CAPZA1: variants seen among roughly 807,000 people sequenced by gnomAD.
CAPZA1 encodes capping actin protein of muscle Z-line subunit alpha 1.
In CAPZA1, 10 loss-of-function variants were observed where a neutral mutation model predicts 40.8. The ratio of observed to expected loss-of-function variants is 0.25; its 90% confidence interval spans 0.15 to 0.42. The LOEUF (loss-of-function observed/expected upper bound fraction) is 0.42. Among genes scored for constraint, CAPZA1 ranks in the 10% least tolerant of loss-of-function variants. The probability of loss-of-function intolerance (pLI) is 1.00; values close to 1 mark genes in which losing one functional copy is unlikely to be tolerated. For missense variants in CAPZA1, 277 were observed against 353.8 expected, an observed-to-expected ratio of 0.78 and a Z score of 1.74; for synonymous variants, 98 against 115.0, an observed-to-expected ratio of 0.85 and a Z score of 0.95.
At chr1:112,665,198 A>T (rs1570727680) in intron 7 of CAPZA1, among the ~76,000 whole-genome samples, 2 of 122,138 alleles carry the variant, frequency 1.6e-5, no homozygotes. Context: ...TTTTTTTGAG[A>T]CAGAGTCTTA....
chr1:112,619,887 A>C lies in CAPZA1; in HGVS notation c.39+4A>C. 6.2e-7 allele frequency: 1 copy of C among 1,609,322 alleles called. No homozygotes were observed. Among genetic ancestry groups the C allele is most frequent in the Non-Finnish European group, 8.5e-7 (1 of 1,177,692 alleles). On this transcript the variant is annotated splice_donor_region_variant and intron_variant, in intron 1 of 9. Transcript: ENST00000263168. ...TCGTGTGTCGGATGAGGAGAAGGTA[A>C]GGGGTCCGCCTCTCTCTCTTACCTC...
chr1:112,662,213 A>G (rs1671625640), intron 7 of CAPZA1, among the ~76,000 whole-genome samples: 1 of 151,926 alleles, frequency 6.6e-6, no homozygotes, highest in Non-Finnish European at 1.5e-5. Context: ...CAACTAAATG[A>G]TCCTCCCACC....
intron 7 of CAPZA1, among the ~76,000 whole-genome samples, chr1:112,663,797 G>T (rs928840643): frequency 6.6e-6 from 1 of 152,154 alleles, no homozygotes; most frequent in African/African-American, 2.4e-5. Flanking sequence ...GAGCCACCAT[G>T]CCTGTTCTCA....
chr1:112,640,207 C>A (rs1377713307), intron 1 of CAPZA1, among the ~76,000 whole-genome samples: 2 of 126,296 alleles, frequency 1.6e-5, no homozygotes, highest in South Asian at 2.6e-4. Flanking sequence ...AGCCCCCCGC[C>A]CGGCCAGCCG....
intron 3 of CAPZA1, among the ~76,000 whole-genome samples, chr1:112,652,358 A>G (rs945538024): frequency 6.6e-6 from 1 of 151,626 alleles, no homozygotes; most frequent in Non-Finnish European, 1.5e-5. Context: ...GGCACATGGT[A>G]ATCCCAGCTA....
intron 7 of CAPZA1, among the ~76,000 whole-genome samples, chr1:112,663,291 T>C (rs1326210373): frequency 1.3e-5 from 2 of 152,026 alleles, no homozygotes; most frequent in Non-Finnish European, 2.9e-5. Flanking sequence ...TTCTTTTCAG[T>C]CCCTGAACCT....
chr1:112,639,496 C>T (rs1301826294), intron 1 of CAPZA1, among the ~76,000 whole-genome samples: 1 of 152,090 alleles, frequency 6.6e-6, no homozygotes, highest in Non-Finnish European at 1.5e-5. Flanking sequence ...CCTTGTTTAA[C>T]CAATTCATCA....
intron 9 of CAPZA1, 66 bp downstream of exon 9, chr1:112,669,671 G>T: frequency 4.3e-6 from 5 of 1,168,258 alleles, no homozygotes; most frequent in South Asian, 1.3e-5. Flanking sequence ...AGCATATTTT[G>T]TTAGGCCTTG....
intron 7 of CAPZA1, among the ~76,000 whole-genome samples, chr1:112,662,032 A>AT (rs987727196): frequency 5.9e-5 from 9 of 152,258 alleles, no homozygotes; most frequent in Non-Finnish European, 1.3e-4. Flanking sequence ...TCATGTTGAA[A>AT]TTTGTGTTAG....
chr1:112,660,745 G>T (rs1671590293), intron 7 of CAPZA1, among the ~76,000 whole-genome samples: 1 of 151,106 alleles, frequency 6.6e-6, no homozygotes, highest in African/African-American at 2.4e-5. Context: ...TGTAAGGTCA[G>T]AATAGGTACA....
intron 1 of CAPZA1, among the ~76,000 whole-genome samples, chr1:112,624,961 TTATC>T (rs1443286793): frequency 2.0e-5 from 3 of 152,222 alleles, no homozygotes; most frequent in African/African-American, 7.2e-5. Flanking sequence ...CCATGTCTCT[TTATC>T]TAGTGCCTAG....
At chr1:112,662,911 TG>T (rs1419090688) in intron 7 of CAPZA1, among the ~76,000 whole-genome samples, 2 of 152,042 alleles carry the variant, frequency 1.3e-5, no homozygotes, top group East Asian at 3.9e-4. Flanking sequence ...GATCTGTTGT[TG>T]TTTTTTTAAA....
chr1:112,627,636 C>CAAAAAAAAAAA (rs3034524), intron 1 of CAPZA1, among the ~76,000 whole-genome samples: 2 of 50,776 alleles, frequency 3.9e-5, no homozygotes, highest in African/African-American at 1.6e-4. Context: ...GACTCTGTCT[C>CAAAAAAAAAAA]AAAAAAAAAA....
chr1:112,643,455 G>A (rs1473405327), intron 1 of CAPZA1, among the ~76,000 whole-genome samples: 1 of 152,102 alleles, frequency 6.6e-6, no homozygotes, highest in African/African-American at 2.4e-5. Context: ...TATTTTTGTG[G>A]CGTGAATTCC....
intron 8 of CAPZA1, among the ~76,000 whole-genome samples, chr1:112,668,889 A>T (rs953537498): frequency 6.6e-6 from 1 of 152,220 alleles, no homozygotes; most frequent in African/African-American, 2.4e-5. Flanking sequence ...ACAGGCAAAT[A>T]ACTTTGTGTT....
chr1:112,635,065 C>T (rs965483809), intron 1 of CAPZA1, among the ~76,000 whole-genome samples: 5 of 152,110 alleles, frequency 3.3e-5, no homozygotes, highest in African/African-American at 1.2e-4. Context: ...GGCAGTTTCC[C>T]TCCCAAAAAA....
chr1:112,658,489 C>T (rs148779039), intron 5 of CAPZA1, among the ~76,000 whole-genome samples: 101 of 152,298 alleles, frequency 6.6e-4, no homozygotes, highest in African/African-American at 2.2e-3. Flanking sequence ...AGCTTTTCTT[C>T]GTTTTATCTT....
intron 1 of CAPZA1, among the ~76,000 whole-genome samples, chr1:112,633,490 T>C (rs1312092325): frequency 6.6e-6 from 1 of 152,222 alleles, no homozygotes; most frequent in African/African-American, 2.4e-5. Flanking sequence ...CATTCATCTG[T>C]TGAGTTGATT....
At chr1:112,628,695 G>T (rs1410322607) in intron 1 of CAPZA1, among the ~76,000 whole-genome samples, 1 of 152,176 alleles carries the variant, frequency 6.6e-6, no homozygotes, top group Non-Finnish European at 1.5e-5. Flanking sequence ...GGGGAGTTTT[G>T]CAGGACTGGT....
Sources: gnomAD v4.1 joint callset for allele counts (sites outside exome capture counted in the v4.1 genomes callset) on GRCh38, gnomAD v4.1.1 for gene constraint, MANE v1.5 for transcripts, NCBI Gene and HGNC (gene_info 2026-07-23, HGNC 2026-07-21) for gene names.